Variants in ANKRD7 observed in about 807,000 individuals in gnomAD.
ANKRD7 encodes ankyrin repeat domain-containing protein 7.
A neutral mutation model predicts 30.8 loss-of-function variants in ANKRD7; 30 were observed. The observed-to-expected ratio is 0.97, with a 90% CI of 0.73 to 1.32. ANKRD7 has a LOEUF of 1.32. Ranked by LOEUF, ANKRD7 falls within the 40% of genes most tolerant of loss-of-function variation. The pLI, the probability that ANKRD7 is intolerant of heterozygous loss-of-function variation, is 0.00. For synonymous variants in ANKRD7, 97 were observed against 106.6 expected (o/e 0.91, Z 0.55); for missense variants, 264 against 295.7 (o/e 0.89, Z 0.79).
intron 5 of ANKRD7, among the ~76,000 whole-genome samples, chr7:118,238,662 T>C (rs959978999): frequency 1.3e-5 from 2 of 152,240 alleles, no homozygotes; most frequent in African/African-American, 4.8e-5. Flanking sequence ...GAAGGAATTA[T>C]ATTTAAGTAT....
chr7:118,234,947 T>A lies in ANKRD7; in HGVS notation c.468+73T>A, dbSNP rs1048015137. 3 of 1,252,264 alleles carry A rather than the reference T, an allele frequency of 2.4e-6. No individual in the cohort carries two copies. The Admixed American group carries it at 9.3e-5, about 39-fold the overall frequency. The allele number at this position is 1,252,264 out of a possible 1,614,324, so 77.6% of individuals were successfully genotyped here. A position where few individuals can be genotyped will look rare whatever the true frequency, so the allele number is the denominator to read the frequency against. On this transcript the variant is annotated intron_variant, in intron 3 of 6. Coordinates refer to ENST00000265224, the MANE Select transcript of ANKRD7 (RefSeq NM_019644.4). ...AAGAGCATATTTCAGATAATTCATC[T>A]ATGTTGAAATATATGTTATATAAAG...
chr7:118,237,241 A>G (rs1809746121), intron 5 of ANKRD7, among the ~76,000 whole-genome samples: 1 of 152,152 alleles, frequency 6.6e-6, no homozygotes, highest in African/African-American at 2.4e-5. Context: ...CATTCACACA[A>G]AGCCTTTCAT....
intron 1 of ANKRD7, among the ~76,000 whole-genome samples, chr7:118,234,062 C>T (rs937339741): frequency 6.6e-6 from 1 of 152,092 alleles, no homozygotes; most frequent in African/African-American, 2.4e-5. Flanking sequence ...ATATCCTTTC[C>T]TCCTGTTACC....
chr7:118,239,400 C>T (rs1446836817), intron 5 of ANKRD7, among the ~76,000 whole-genome samples: 1 of 152,130 alleles, frequency 6.6e-6, no homozygotes, highest in Non-Finnish European at 1.5e-5. Context: ...GAAAAATTGC[C>T]TTCCACAATG....
intron 6 of ANKRD7, among the ~76,000 whole-genome samples, chr7:118,241,813 A>ACATG (rs1027430231): frequency 2.2e-4 from 34 of 152,240 alleles, no homozygotes; most frequent in African/African-American, 7.2e-4. Context: ...TGCTATAATT[A>ACATG]CATGCGTGAG....
chr7:118,231,399 G>A (rs1265216646), intron 1 of ANKRD7, among the ~76,000 whole-genome samples: 1 of 151,966 alleles, frequency 6.6e-6, no homozygotes, highest in African/African-American at 2.4e-5. Flanking sequence ...GGTGAGTGGA[G>A]GCCCAATTCT....
intron 1 of ANKRD7, among the ~76,000 whole-genome samples, chr7:118,230,015 C>T (rs766442636): frequency 7.2e-5 from 11 of 151,842 alleles, no homozygotes; most frequent in African/African-American, 2.7e-4. Context: ...AACTAGGCAT[C>T]GAAGGAACGT....
chr7:118,225,050 G>T (rs748398915), intron 1 of ANKRD7, 41 bp downstream of exon 1: 1 of 1,601,546 alleles, frequency 6.2e-7, no homozygotes, highest in South Asian at 1.1e-5. Flanking sequence ...ACGGGTTGGG[G>T]CCTGGGTCGT....
intron 1 of ANKRD7, among the ~76,000 whole-genome samples, chr7:118,228,886 C>G (rs2115998145): frequency 6.6e-6 from 1 of 152,262 alleles, no homozygotes; most frequent in Non-Finnish European, 1.5e-5. Context: ...TCAGCTTATT[C>G]TCAACACAGC....
intron 5 of ANKRD7, among the ~76,000 whole-genome samples, chr7:118,238,942 A>C (rs753418534): frequency 2.6e-5 from 4 of 152,200 alleles, no homozygotes; most frequent in Non-Finnish European, 5.9e-5. Flanking sequence ...TAAAGGGGTG[A>C]TTAAGTTAAA....
Position 118,227,788 on chromosome 7 carries a change from T to C in ANKRD7, c.179+2779T>C, listed in dbSNP as rs1015054978. 8 of 957,524 alleles carry C rather than the reference T, an allele frequency of 8.4e-6. No individual in the cohort carries two copies. In the South Asian group the frequency reaches 1.6e-4, roughly 19 times the overall value. 59.3% of individuals were successfully genotyped at this position (957,524 alleles called of 1,614,324 possible). ...TACTATCAGTGGCTGCCTTAAAATA[T>C]TTTTGGGAGTTTTCAAGTCATAGGG... is the stretch of plus-strand genomic sequence containing the variant. On this transcript the variant is annotated intron_variant, in intron 1 of 6. Transcript: ENST00000265224.
intron 1 of ANKRD7, among the ~76,000 whole-genome samples, chr7:118,225,333 C>T (rs1336960840): frequency 2.0e-5 from 3 of 151,918 alleles, no homozygotes; most frequent in African/African-American, 4.8e-5. Flanking sequence ...ACCAAAAATG[C>T]AAAAATTAGT....
In ANKRD7 at chr7:118,228,498, C is replaced by T. The variant is rs76400149; in HGVS notation, c.179+3489C>T. Among the ~76,000 whole-genome samples, 805 of 152,258 alleles carry T rather than the reference C, an allele frequency of 5.3e-3. 24 individuals are homozygous for T. The East Asian group carries it at 0.084, about 16-fold the overall frequency. Reference sequence around the variant, plus strand: ...TACCAATGGGATATCAACTGGCTTGCAAAATTCCTGAAAATTTAACAGTTA... The same window carrying T: ...TACCAATGGGATATCAACTGGCTTGTAAAATTCCTGAAAATTTAACAGTTA... On this transcript the variant is annotated intron_variant, in intron 1 of 6. Transcript: ENST00000265224.
At position 118,224,886 on chromosome 7, in the gene ANKRD7, A is replaced by G. The variant is rs1209598420; in HGVS notation, c.56A>G (p.Tyr19Cys). 1 of 1,614,238 alleles carries G rather than the reference A, an allele frequency of 6.2e-7. No homozygotes were observed. Among genetic ancestry groups the G allele is most frequent in the Non-Finnish European group, 8.5e-7 (1 of 1,180,042 alleles). Reference protein sequence around the residue: ...KRKNETRSQGYNLREKDLKKL... With the variant: ...KRKNETRSQGCNLREKDLKKL... The stretch of plus-strand genomic sequence containing the variant: ...AAGAATGAGACCCGCAGCCAGGGCT[A>G]CAACCTTCGAGAAAAGGATTTAAAG... Residue 19 changes from tyrosine (Y) to cysteine (C), a missense_variant, in exon 1 of 7, where the codon TAC (tyrosine) becomes TGC (cysteine). By Grantham distance (194) the Tyr-to-Cys change is radical. Transcript: ENST00000265224.
chr7:118,224,947 G>A lies in ANKRD7; in HGVS notation c.117G>A (p.Lys39=). 6.2e-7 allele frequency: 1 copy of A among 1,614,160 alleles called. No individual in the cohort carries two copies. Among genetic ancestry groups the A allele is most frequent in the Non-Finnish European group, 8.5e-7 (1 of 1,180,014 alleles). Residue 39 remains lysine (K), a synonymous_variant, in exon 1 of 7, where the codon AAG becomes AAA. Transcript: ENST00000265224. Reference sequence around the variant, plus strand: ...GAGCTGCTTCAGTCGGGGATTTGAAGAAGCTGAAGGAATACCTTCAGATCA... The same window carrying A: ...GAGCTGCTTCAGTCGGGGATTTGAAAAAGCTGAAGGAATACCTTCAGATCA... ...LHRAASVGDL[K]KLKEYLQIKK...
At position 118,236,067 on chromosome 7, in the gene ANKRD7, C is replaced by T. The variant is rs1584725412; in HGVS notation, c.495C>T (p.Ala165=). Residue 165 remains alanine, a synonymous_variant, in exon 4 of 7, where the codon GCC becomes GCT. Coordinates refer to ENST00000265224, the MANE Select transcript of ANKRD7 (RefSeq NM_019644.4). ...ATGGGTATACTCCACTATTAGTTGCCGTTATTAACAATAATCCAAAAATGG... is the reference window on the plus strand; with the variant it reads ...ATGGGTATACTCCACTATTAGTTGCTGTTATTAACAATAATCCAAAAATGG... ...NKDGYTPLLV[A]VINNNPKMVK... is the part of the protein sequence containing the mutation. The T allele has an allele frequency of 1.1e-5, 18 of 1,599,244 alleles. No individual in the cohort carries two copies. The highest frequency in any genetic ancestry group is 1.5e-5 in the Non-Finnish European group (18 of 1,169,226).
intron 1 of ANKRD7, among the ~76,000 whole-genome samples, chr7:118,225,398 G>C (rs973856651): frequency 2.6e-5 from 4 of 151,026 alleles, no homozygotes; most frequent in African/African-American, 7.3e-5. Flanking sequence ...TGAGGTAGGA[G>C]AATCACTTGA....
At chr7:118,235,378 C>T (rs1009959824) in intron 3 of ANKRD7, among the ~76,000 whole-genome samples, 1 of 151,802 alleles carries the variant, frequency 6.6e-6, no homozygotes, top group Admixed American at 6.6e-5. Context: ...TTTGGGAGGC[C>T]GAGGTGGGTG....
At chr7:118,241,095 A>C (rs1372577365) in intron 6 of ANKRD7, among the ~76,000 whole-genome samples, 1 of 138,014 alleles carries the variant, frequency 7.2e-6, no homozygotes, top group Non-Finnish European at 1.5e-5. Flanking sequence ...CGGAGCTTGC[A>C]GTGAGCCGAG....
Sources: allele counts gnomAD v4.1 joint callset (sites outside exome capture counted in the v4.1 genomes callset), GRCh38; gene constraint gnomAD v4.1.1; transcripts MANE v1.5; gene names NCBI Gene and HGNC (gene_info 2026-07-23, HGNC 2026-07-21).